The following MPHOSPH9 variants were observed in gnomAD, a reference collection of about 807,000 sequenced individuals.
MPHOSPH9 encodes M-phase phosphoprotein 9.
MPHOSPH9 carries 88 observed loss-of-function variants against 145.5 expected under a neutral mutation model. The observed-to-expected ratio is 0.60, with a 90% confidence interval of 0.51 to 0.72. The LOEUF is 0.72. Ranked by LOEUF, MPHOSPH9 falls within the 30% of genes least tolerant of loss-of-function variation. The pLI is 0.00. For synonymous variants in MPHOSPH9, 435 were observed against 486.2 expected, an observed-to-expected ratio of 0.89 and a Z score of 1.39; for missense variants, 1,238 against 1,386.6, an observed-to-expected ratio of 0.89 and a Z score of 1.70.
intron 6 of MPHOSPH9, among the ~76,000 whole-genome samples, 176 bp from the exon 7 acceptor site, chr12:123,215,010 G>A (rs539776870): frequency 1.5e-4 from 23 of 152,314 alleles, no homozygotes; most frequent in African/African-American, 2.2e-4. Flanking sequence ...TTGGGAGGCC[G>A]AGGCGGGTGG....
At chr12:123,243,542 A>C (rs28668335) in intron 1 of MPHOSPH9, among the ~76,000 whole-genome samples, 99 of 139,978 alleles carry the variant, frequency 7.1e-4, no homozygotes, top group Non-Finnish European at 1.1e-3. Flanking sequence ...AAAAAAAAAA[A>C]AAAAATACAA....
chr12:123,213,495 C>A (rs2046833645), intron 7 of MPHOSPH9, among the ~76,000 whole-genome samples: 1 of 152,044 alleles, frequency 6.6e-6, no homozygotes, highest in South Asian at 2.1e-4. Flanking sequence ...GCATCACCAT[C>A]CCTGGCTAAT....
At chr12:123,227,285 G>A (rs1339423904) in intron 3 of MPHOSPH9, among the ~76,000 whole-genome samples, 178 bp downstream of exon 3, 1 of 151,990 alleles carries the variant, frequency 6.6e-6, no homozygotes, top group Non-Finnish European at 1.5e-5. Context: ...AAATACTTTT[G>A]ATCACCTTTT....
At position 123,202,965 on chromosome 12, in the gene MPHOSPH9, T is replaced by C. The variant is rs751646080; in HGVS notation, c.1440A>G (p.Leu480=). The change falls in exon 10 of 24, where the codon CTA becomes CTG. Residue 480 remains leucine (L), a synonymous_variant. Transcript: ENST00000606320. ...CAGAGGGACTAGACATACTAGGCTC[T>C]AGAACAGAGTCCGGGGAAAAGGATA... ...DRISFSPDSV[L]EPSMSSPSDI... is the part of the protein sequence containing the mutation. The C allele has an allele frequency of 6.2e-7, 1 of 1,614,178 alleles. No homozygotes were observed. The highest frequency in any genetic ancestry group is 1.1e-5 in the South Asian group (1 of 91,086).
chr12:123,171,799 G>A (rs1188116429), intron 16 of MPHOSPH9, among the ~76,000 whole-genome samples: 1 of 151,900 alleles, frequency 6.6e-6, no homozygotes, highest in Admixed American at 6.6e-5. Flanking sequence ...TATATCTCAA[G>A]CACACATAGA....
intron 4 of MPHOSPH9, 56 bp downstream of exon 4, chr12:123,222,982 A>G (rs12579925): frequency 0.2 from 20,597 of 102,216 alleles, 727 homozygotes; most frequent in East Asian, 0.44. Flanking sequence ...GTGTGTGTGT[A>G]TATGTACGTA....
At chr12:123,176,841 T>G in intron 15 of MPHOSPH9, 52 bp from the exon 16 acceptor site, 1 of 1,372,562 alleles carries the variant, frequency 7.3e-7, no homozygotes, top group Non-Finnish European at 1.0e-6. Flanking sequence ...AAATGTAAAA[T>G]ATAGCTCAAC....
At chr12:123,212,507 A>C (rs1297423315) in intron 7 of MPHOSPH9, among the ~76,000 whole-genome samples, 1 of 152,062 alleles carries the variant, frequency 6.6e-6, no homozygotes, top group Non-Finnish European at 1.5e-5. Context: ...CAGGAGTTGA[A>C]GACCAGCCTG....
At chr12:123,193,521 A>C (rs2045801323) in intron 13 of MPHOSPH9, among the ~76,000 whole-genome samples, 1 of 152,090 alleles carries the variant, frequency 6.6e-6, no homozygotes, top group African/African-American at 2.4e-5. Context: ...GCAGTGGCAC[A>C]CACGTGTAGA....
chr12:123,163,449 A>G (rs2044190218), intron 19 of MPHOSPH9: 1 of 240,224 alleles, frequency 4.2e-6, no homozygotes, highest in Non-Finnish European at 7.9e-6. Context: ...TAACACAATA[A>G]TAAGAATCTC....
rs1488523101 is a variant in MPHOSPH9, at chr12:123,243,455, G to A, written c.-159+398C>T. Among the ~76,000 whole-genome samples the A allele has an allele frequency of 5.3e-5, 8 of 149,554 alleles. No individual in the cohort carries two copies. The South Asian group carries it at 1.1e-3, about 20-fold the overall frequency. On this transcript the variant is annotated intron_variant, in intron 1 of 2. Transcript: ENST00000545406. Reference sequence around the variant, plus strand: ...TGAGGCAGGAGAATGGCGTGAACCCGGGAGGCGGAGCTTGCAGTGAGCCAA... The same window carrying A: ...TGAGGCAGGAGAATGGCGTGAACCCAGGAGGCGGAGCTTGCAGTGAGCCAA...
intron 8 of MPHOSPH9, among the ~76,000 whole-genome samples, 174 bp downstream of exon 8, chr12:123,209,882 G>A (rs2046628380): frequency 1.3e-5 from 2 of 151,178 alleles, no homozygotes; most frequent in African/African-American, 4.9e-5. Context: ...GACTACAGGC[G>A]CCCGCCACCA....
At chr12:123,202,461 A>T in intron 10 of MPHOSPH9, 142 bp from the exon 11 acceptor site, 1 of 1,189,594 alleles carries the variant, frequency 8.4e-7, no homozygotes, top group South Asian at 1.6e-5. Flanking sequence ...ATAGATTAAT[A>T]CACAAAAAGT....
intron 3 of MPHOSPH9, among the ~76,000 whole-genome samples, chr12:123,225,477 A>G (rs2047402515): frequency 1.4e-5 from 2 of 139,328 alleles, no homozygotes; most frequent in Admixed American, 7.3e-5. Context: ...AAGAAAAGAG[A>G]GAGAATGAAA....
In MPHOSPH9 at chr12:123,179,961, C is replaced by G; in HGVS notation, c.2319G>C (p.Leu773Phe). 1 of 1,462,592 alleles carries G rather than the reference C, an allele frequency of 6.8e-7. No homozygotes were observed. The allele number at this position is 1,462,592 out of a possible 1,614,324, so 90.6% of individuals were successfully genotyped here. ...CAGAAATCTGAGTATATGCATCAAGCAATTTGTTCTCAGTTGTATTTAATG... is the reference window on the plus strand; with the variant it reads ...CAGAAATCTGAGTATATGCATCAAGGAATTTGTTCTCAGTTGTATTTAATG... The part of the protein sequence containing the change: ...KDALNTTENK[L>F]LDAYTQISDL... Residue 773 changes from leucine (L) to phenylalanine (F), a missense_variant, in exon 15 of 24, where the codon TTG becomes TTC. By Grantham distance (22) the Leu-to-Phe change is conservative. Coordinates refer to ENST00000606320, the MANE Select transcript of MPHOSPH9 (RefSeq NM_022782.4).
At chr12:123,179,198 C>A (rs575612967) in intron 15 of MPHOSPH9, among the ~76,000 whole-genome samples, 4 of 152,224 alleles carry the variant, frequency 2.6e-5, no homozygotes, top group African/African-American at 7.2e-5. Context: ...GTGGATGAGA[C>A]GAGAGGATCA....
chr12:123,209,438 C>T (rs2046599514), intron 8 of MPHOSPH9, among the ~76,000 whole-genome samples: 1 of 151,678 alleles, frequency 6.6e-6, no homozygotes, highest in African/African-American at 2.4e-5. Flanking sequence ...TGGAGTTGCA[C>T]TCTCGTTGCC....
Position 123,227,546 on chromosome 12 carries a change from C to T in MPHOSPH9, c.175G>A (p.Gly59Ser), listed in dbSNP as rs1438862504. 5 of 1,531,950 alleles carry T rather than the reference C, an allele frequency of 3.3e-6. No homozygotes were observed. The highest frequency in any genetic ancestry group is 4.4e-6 in the Non-Finnish European group (5 of 1,144,192). The allele number at this position is 1,531,950 out of a possible 1,614,324, so 94.9% of individuals were successfully genotyped here. A position where few individuals can be genotyped will look rare whatever the true frequency, so the allele number is the denominator to read the frequency against. The stretch of plus-strand genomic sequence containing the variant: ...AAAGAAGTTAGGACTTCAACTGTAC[C>T]TTGAATTACAGATGGTCTGGTCTTC... ...SGKTRPSVIQ[G>S]TVEVLTSLMQ... is the part of the protein sequence containing the mutation. Residue 59 changes from glycine to serine, a missense_variant, in exon 3 of 24, where the codon GGT (glycine) becomes AGT (serine). This residue lies in a region of MPHOSPH9 where 837 missense variants were observed against 897.5 expected (regional missense o/e 0.93). Transcript: ENST00000606320.
At chr12:123,226,296 G>A (rs1057476702) in intron 3 of MPHOSPH9, 17 of 1,130,620 alleles carry the variant, frequency 1.5e-5, no homozygotes, top group East Asian at 6.7e-5. Context: ...ACACTTAGCA[G>A]TTGCTGCTAT....
Sources: gnomAD v4.1 joint callset for allele counts (sites outside exome capture counted in the v4.1 genomes callset) on GRCh38, gnomAD v4.1.1 for gene constraint, gnomAD v4.1.1 regional missense constraint, MANE v1.5 for transcripts, NCBI Gene and HGNC (gene_info 2026-07-23, HGNC 2026-07-21) for gene names.